TIMP3: variants seen among roughly 807,000 people sequenced by gnomAD.
The protein encoded by TIMP3 is TIMP metallopeptidase inhibitor 3.
In TIMP3, 11 loss-of-function variants were observed where a neutral mutation model predicts 30.0. The observed-to-expected ratio is 0.37, with a 90% CI of 0.23 to 0.61. The LOEUF (loss-of-function observed/expected upper bound fraction) is 0.61, where lower values mean the gene tolerates loss of function less well. Ranked by LOEUF, TIMP3 falls within the 20% of genes least tolerant of loss-of-function variation. The pLI, the probability that TIMP3 is intolerant of heterozygous loss-of-function variation, is 0.70. For missense variants in TIMP3, 181 were observed against 276.8 expected, an observed-to-expected ratio of 0.65 and a Z score of 2.45; for synonymous variants, 112 against 111.3, an observed-to-expected ratio of 1.01 and a Z score of -0.04.
intron 1 of TIMP3, among the ~76,000 whole-genome samples, chr22:32,806,609 C>T (rs1041522131): frequency 6.6e-6 from 1 of 152,186 alleles, no homozygotes; most frequent in Non-Finnish European, 1.5e-5. Context: ...TGCCTAGGCA[C>T]ATATGGGCTA....
At chr22:32,847,049 T>C (rs2048084812) in intron 1 of TIMP3, among the ~76,000 whole-genome samples, 1 of 152,198 alleles carries the variant, frequency 6.6e-6, no homozygotes, top group Non-Finnish European at 1.5e-5. Context: ...GATGTTGCTA[T>C]TTAAAGGAAT....
intron 1 of TIMP3, among the ~76,000 whole-genome samples, chr22:32,813,651 GAGTA>G (rs2046976599): frequency 7.0e-6 from 1 of 143,252 alleles, no homozygotes; most frequent in Non-Finnish European, 1.5e-5. Context: ...ATCTCTGAGT[GAGTA>G]ACACCCAATT....
At chr22:32,822,649 G>T (rs1392489929) in intron 1 of TIMP3, among the ~76,000 whole-genome samples, 3 of 152,152 alleles carry the variant, frequency 2.0e-5, no homozygotes, top group Non-Finnish European at 4.4e-5. Context: ...TTAGATTATG[G>T]TGCGTTCATA....
intron 2 of TIMP3, among the ~76,000 whole-genome samples, chr22:32,852,756 A>C (rs2048257045): frequency 6.6e-6 from 1 of 152,092 alleles, no homozygotes; most frequent in East Asian, 1.9e-4. Flanking sequence ...TGTGTGAGGG[A>C]GCAGGGTGTT....
chr22:32,810,020 A>G lies in TIMP3; in HGVS notation c.121+7898A>G, dbSNP rs149198204. 9.3e-4 allele frequency among the ~76,000 whole-genome samples: 142 copies of G among 152,266 alleles called. 1 individual carries two copies. Among genetic ancestry groups the G allele is most frequent in the African/African-American group, 2.4e-3 (101 of 41,550 alleles). Reference sequence around the variant, plus strand: ...CTGATGTGTCCTAGTTGAGGTCCCTATCCTTTCAGAGGAGGTGACATGGGT... The same window carrying G: ...CTGATGTGTCCTAGTTGAGGTCCCTGTCCTTTCAGAGGAGGTGACATGGGT... On this transcript the variant is annotated intron_variant, in intron 1 of 4. Transcript: ENST00000266085.
chr22:32,844,753 A>G (rs1002720913), intron 1 of TIMP3, among the ~76,000 whole-genome samples: 3 of 150,550 alleles, frequency 2.0e-5, no homozygotes, highest in African/African-American at 7.4e-5. Flanking sequence ...TCTGTCACCC[A>G]GGCTGGAGTG....
chr22:32,830,436 C>T (rs1177868495), intron 1 of TIMP3, among the ~76,000 whole-genome samples: 2 of 152,192 alleles, frequency 1.3e-5, no homozygotes, highest in East Asian at 3.9e-4. Context: ...AGCTGAGATT[C>T]AACCCCAGGT....
chr22:32,854,499 G>A (rs930801257), intron 2 of TIMP3, among the ~76,000 whole-genome samples: 5 of 152,162 alleles, frequency 3.3e-5, no homozygotes, highest in African/African-American at 9.7e-5. Context: ...GACCTAGAGC[G>A]AGTGCTTAGT....
chr22:32,842,247 T>C (rs1444572058), intron 1 of TIMP3, among the ~76,000 whole-genome samples: 2 of 152,326 alleles, frequency 1.3e-5, no homozygotes, highest in Middle Eastern at 3.4e-3. Context: ...TGATCTGTCC[T>C]TTCAGCTTCT....
intron 1 of TIMP3, among the ~76,000 whole-genome samples, chr22:32,816,905 C>A (rs1444040432): frequency 6.6e-6 from 1 of 152,112 alleles, no homozygotes; most frequent in East Asian, 1.9e-4. Context: ...AAGGTGTGAT[C>A]CTTGCACCAC....
intron 1 of TIMP3, among the ~76,000 whole-genome samples, chr22:32,832,465 A>G (rs1048829481): frequency 6.6e-6 from 1 of 152,178 alleles, no homozygotes; most frequent in African/African-American, 2.4e-5. Flanking sequence ...GGAAAAAAAC[A>G]GAAAGAGTAT....
rs568314932 is a variant in TIMP3, at chr22:32,804,322, G to A, written c.121+2200G>A. 1.9e-4 allele frequency among the ~76,000 whole-genome samples: 29 copies of A among 152,278 alleles called. 1 individual carries two copies. In the South Asian group the frequency reaches 5.0e-3, roughly 26 times the overall value. On this transcript the variant is annotated intron_variant, in intron 1 of 4. Transcript: ENST00000266085. ...TCGCCTTGCACAGCACCCTGCTGGC[G>A]TCCAGTACTTGGCTCCCAAGTTTCA...
chr22:32,848,632 A>T lies in TIMP3; in HGVS notation c.122-820A>T, dbSNP rs578255186. 2.0e-5 allele frequency among the ~76,000 whole-genome samples: 3 copies of T among 152,326 alleles called. No individual in the cohort carries two copies. The South Asian group carries it at 6.2e-4, about 32-fold the overall frequency. The stretch of plus-strand genomic sequence containing the variant: ...TATTAATAATATTTGTCTAGTGCAA[A>T]CTATGTCCAAGACAGTATCAAGAGT... On this transcript the variant is annotated intron_variant, in intron 1 of 4. Transcript: ENST00000266085.
intron 1 of TIMP3, among the ~76,000 whole-genome samples, chr22:32,840,232 C>CA (rs1345896015): frequency 1.3e-5 from 2 of 151,908 alleles, no homozygotes; most frequent in East Asian, 1.9e-4. Context: ...CATTTCTTGC[C>CA]AAAAAAACCT....
intron 2 of TIMP3, 146 bp from the exon 3 acceptor site, chr22:32,857,103 T>C (rs571455824): frequency 2.8e-6 from 2 of 714,430 alleles, no homozygotes; most frequent in African/African-American, 1.7e-5. Context: ...CTATTGTGAA[T>C]ATTGCTGCAG....
chr22:32,846,229 A>C (rs1482432606), intron 1 of TIMP3, among the ~76,000 whole-genome samples: 2 of 152,198 alleles, frequency 1.3e-5, no homozygotes, highest in African/African-American at 4.8e-5. Flanking sequence ...GGATGGGTAC[A>C]TGTGATAGAG....
chr22:32,820,269 C>CGT (rs374591413), intron 1 of TIMP3, among the ~76,000 whole-genome samples: 19,704 of 144,886 alleles, frequency 0.14, 1,669 homozygotes, highest in South Asian at 0.28. Context: ...TGTGCGTGCG[C>CGT]GTGTGTGTGT....
Position 32,857,271 on chromosome 22 carries a change from T to C in TIMP3, c.227T>C (p.Met76Thr). 6.2e-7 allele frequency: 1 copy of C among 1,614,110 alleles called. No homozygotes were observed. Among genetic ancestry groups the C allele is most frequent in the Non-Finnish European group, 8.5e-7 (1 of 1,180,002 alleles). The change falls in exon 3 of 5, where the codon ATG becomes ACG. Residue 76 changes from methionine to threonine, a missense_variant. Coordinates refer to ENST00000266085, the MANE Select transcript of TIMP3 (RefSeq NM_000362.5). ...QMKMYRGFTK[M>T]PHVQYIHTEA... Reference sequence around the variant, plus strand: ...CAGATGTACCGAGGCTTCACCAAGATGCCCCATGTGCAGTACATCCATACG... The same window carrying C: ...CAGATGTACCGAGGCTTCACCAAGACGCCCCATGTGCAGTACATCCATACG...
chr22:32,818,724 A>G (rs528642800), intron 1 of TIMP3, among the ~76,000 whole-genome samples: 283 of 152,190 alleles, frequency 1.9e-3, no homozygotes, highest in Non-Finnish European at 2.9e-3. Flanking sequence ...AGCTGATGTC[A>G]CTGTGGCCGG....
Sources: gnomAD v4.1 joint callset for allele counts (sites outside exome capture counted in the v4.1 genomes callset) on GRCh38, gnomAD v4.1.1 for gene constraint, MANE v1.5 for transcripts, NCBI Gene and HGNC (gene_info 2026-07-23, HGNC 2026-07-21) for gene names.